KAT2B: variants seen among roughly 807,000 people sequenced by gnomAD.
KAT2B encodes the protein histone acetyltransferase KAT2B.
Under a neutral mutation model 105.9 loss-of-function variants are expected in KAT2B, and 36 were observed. The observed-to-expected ratio is 0.34, with a 90% CI of 0.26 to 0.45. KAT2B has a LOEUF of 0.45. Ranked by LOEUF, KAT2B falls within the 20% of genes least tolerant of loss-of-function variation. The pLI is 1.00. For missense variants in KAT2B, 820 were observed against 1,021.6 expected (o/e 0.80, Z 2.69); for synonymous variants, 397 against 377.9 (o/e 1.05, Z -0.59).
At chr3:20,112,289 G>A (rs1699135956) in intron 6 of KAT2B, among the ~76,000 whole-genome samples, 1 of 151,850 alleles carries the variant, frequency 6.6e-6, no homozygotes, top group African/African-American at 2.4e-5. Flanking sequence ...CAGGGATGAA[G>A]AGGAATAGAG....
intron 6 of KAT2B, among the ~76,000 whole-genome samples, chr3:20,112,797 G>T (rs1196910470): frequency 6.6e-6 from 1 of 152,196 alleles, no homozygotes; most frequent in Non-Finnish European, 1.5e-5. Flanking sequence ...TGAGAAACTA[G>T]ATTTTTATTA....
chr3:20,086,835 G>A (rs1698626802), intron 2 of KAT2B, among the ~76,000 whole-genome samples: 3 of 150,570 alleles, frequency 2.0e-5, no homozygotes, highest in Admixed American at 2.0e-4. Flanking sequence ...AGGCTGGAGT[G>A]CAGTGGTGCA....
chr3:20,056,402 A>G (rs1698004445), intron 1 of KAT2B, among the ~76,000 whole-genome samples: 2 of 152,208 alleles, frequency 1.3e-5, no homozygotes. Flanking sequence ...AGGTTTGGGT[A>G]AGAATAAAGA....
chr3:20,073,429 A>AT, intron 2 of KAT2B, among the ~76,000 whole-genome samples: 1 of 152,198 alleles, frequency 6.6e-6, no homozygotes, highest in Non-Finnish European at 1.5e-5. Flanking sequence ...CAAGGTTAGC[A>AT]TGGTGTTAGG....
At chr3:20,062,302 A>C (rs1195627121) in intron 1 of KAT2B, among the ~76,000 whole-genome samples, 1 of 46,944 alleles carries the variant, frequency 2.1e-5, no homozygotes, top group African/African-American at 6.7e-5. Context: ...ATAATATATA[A>C]AATATAATAT....
chr3:20,110,665 C>T lies in KAT2B; in HGVS notation c.852-931C>T, dbSNP rs573242869. 9.4e-5 allele frequency among the ~76,000 whole-genome samples: 13 copies of T among 138,610 alleles called. No individual in the cohort carries two copies. The South Asian group carries it at 3.1e-3, about 33-fold the overall frequency. 90.9% of individuals were successfully genotyped at this position (138,610 alleles called of 152,430 possible). On this transcript the variant is annotated intron_variant, in intron 5 of 17. Coordinates refer to ENST00000263754, the MANE Select transcript of KAT2B (RefSeq NM_003884.5). ...TCCAGCCTTGGTGACACAGTGAGAC[C>T]CTGTCTCAAAAAAAAAAAAAAAAAA...
intron 1 of KAT2B, among the ~76,000 whole-genome samples, chr3:20,049,261 T>A (rs1026201048): frequency 1.3e-5 from 2 of 152,210 alleles, no homozygotes; most frequent in African/African-American, 4.8e-5. Flanking sequence ...CTTCAGGATA[T>A]ATGAAAGTTC....
chr3:20,151,322 T>A (rs3804574), intron 17 of KAT2B, among the ~76,000 whole-genome samples: 19,165 of 152,212 alleles, frequency 0.13, 1,421 homozygotes, highest in East Asian at 0.22. Context: ...TTTGGGGATA[T>A]TGTACGTACA....
intron 1 of KAT2B, among the ~76,000 whole-genome samples, chr3:20,048,642 A>G (rs1472616390): frequency 7.9e-5 from 12 of 152,188 alleles, no homozygotes; most frequent in Admixed American, 7.9e-4. Context: ...CAATAAAATT[A>G]GGATTTTCAA....
At chr3:20,059,998 G>T (rs1698072317) in intron 1 of KAT2B, among the ~76,000 whole-genome samples, 2 of 152,144 alleles carry the variant, frequency 1.3e-5, no homozygotes, top group South Asian at 4.1e-4. Flanking sequence ...GGCCTTTTAT[G>T]ATGGGCTTCT....
intron 2 of KAT2B, among the ~76,000 whole-genome samples, chr3:20,083,292 GGCCTATC>G (rs1698552467): frequency 6.6e-6 from 1 of 151,504 alleles, no homozygotes; most frequent in South Asian, 2.1e-4. Flanking sequence ...AAATAATAGA[GGCCTATC>G]TCTTTAAGAA....
chr3:20,078,838 C>T (rs1212295192), intron 2 of KAT2B, among the ~76,000 whole-genome samples: 3 of 150,566 alleles, frequency 2.0e-5, no homozygotes, highest in African/African-American at 7.3e-5. Context: ...GCAGACCCCT[C>T]ACCCTACAAC....
At chr3:20,101,888 C>G (rs73818810) in intron 5 of KAT2B, among the ~76,000 whole-genome samples, 1 of 152,048 alleles carries the variant, frequency 6.6e-6, no homozygotes, top group Non-Finnish European at 1.5e-5. Context: ...AGTGTGGCTA[C>G]TAGAAAATTT....
intron 2 of KAT2B, among the ~76,000 whole-genome samples, chr3:20,082,653 A>AT (rs1013279106): frequency 2.0e-5 from 3 of 152,186 alleles, no homozygotes; most frequent in Admixed American, 6.5e-5. Flanking sequence ...GGAAAAATAC[A>AT]TTTTTTGTTA....
chr3:20,094,244 C>T (rs1698770491), intron 2 of KAT2B, among the ~76,000 whole-genome samples: 1 of 152,116 alleles, frequency 6.6e-6, no homozygotes, highest in Non-Finnish European at 1.5e-5. Flanking sequence ...GCAAGTCTTA[C>T]ATGGCAGCAG....
chr3:20,136,935 C>T lies in KAT2B; in HGVS notation c.1750-7C>T. 6.5e-7 allele frequency: 1 copy of T among 1,529,714 alleles called. No individual in the cohort carries two copies. Among genetic ancestry groups the T allele is most frequent in the African/African-American group, 1.4e-5 (1 of 73,194 alleles). 94.8% of individuals were successfully genotyped at this position (1,529,714 alleles called of 1,614,324 possible). On this transcript the variant is annotated splice_polypyrimidine_tract_variant and splice_region_variant and intron_variant, in intron 11 of 17. Transcript: ENST00000263754. Reference sequence around the variant, plus strand: ...ATGTATTTGTTTGTATACTAACTTCCACACAGGGCTATGGAACACACCTGA... The same window carrying T: ...ATGTATTTGTTTGTATACTAACTTCTACACAGGGCTATGGAACACACCTGA...
chr3:20,143,675 A>G (rs911139229), intron 13 of KAT2B, among the ~76,000 whole-genome samples: 3 of 152,368 alleles, frequency 2.0e-5, no homozygotes, highest in South Asian at 2.1e-4. Context: ...AATGTAGTAC[A>G]TATACACCAT....
intron 8 of KAT2B, among the ~76,000 whole-genome samples, chr3:20,122,063 A>C (rs1211878539): frequency 6.6e-6 from 1 of 152,160 alleles, no homozygotes; most frequent in African/African-American, 2.4e-5. Context: ...TACAAGGAGA[A>C]ATAATCAAAT....
intron 1 of KAT2B, among the ~76,000 whole-genome samples, chr3:20,062,407 T>C: frequency 9.7e-6 from 1 of 103,044 alleles, no homozygotes; most frequent in Non-Finnish European, 1.9e-5. Flanking sequence ...TTATATATTA[T>C]ATATTATATA....
Sources: gnomAD v4.1 joint callset for allele counts (sites outside exome capture counted in the v4.1 genomes callset) on GRCh38, gnomAD v4.1.1 for gene constraint, MANE v1.5 for transcripts, NCBI Gene and HGNC (gene_info 2026-07-23, HGNC 2026-07-21) for gene names.